Variants in WNT9A observed in about 807,000 individuals in gnomAD.
WNT9A encodes the protein protein Wnt-9a.
Under a neutral mutation model 31.4 loss-of-function variants are expected in WNT9A, and 8 were observed. The observed-to-expected ratio is 0.26, with a 90% CI of 0.15 to 0.46. The LOEUF (loss-of-function observed/expected upper bound fraction) is 0.46, where lower values mean the gene tolerates loss of function less well. Ranked by LOEUF, WNT9A falls within the 20% of genes least tolerant of loss-of-function variation. The pLI, the probability that WNT9A is intolerant of heterozygous loss-of-function variation, is 0.99. For synonymous variants in WNT9A, 236 were observed against 220.1 expected (o/e 1.07, Z -0.64); for missense variants, 457 against 522.9 (o/e 0.87, Z 1.23).
In WNT9A at chr1:227,921,332, C is replaced by T. The variant is rs1312046525; in HGVS notation, c.*186G>A. The T allele has an allele frequency of 5.8e-5, 52 of 903,740 alleles. 1 individual carries two copies. The South Asian group carries it at 7.5e-4, about 13-fold the overall frequency. The allele number at this position is 903,740 out of a possible 1,614,324, so 56.0% of individuals were successfully genotyped here. On this transcript the variant is annotated 3_prime_UTR_variant, in exon 4 of 4. Coordinates refer to ENST00000272164, the MANE Select transcript of WNT9A (RefSeq NM_003395.4). Reference sequence around the variant, plus strand: ...GGACTGAGCCCAGGGACTCACCCCACGCTGCTAGGTCTGAGCCCAGGGACT... The same window carrying T: ...GGACTGAGCCCAGGGACTCACCCCATGCTGCTAGGTCTGAGCCCAGGGACT...
At chr1:227,939,257 C>A (rs528112133) in intron 1 of WNT9A, among the ~76,000 whole-genome samples, 1 of 152,336 alleles carries the variant, frequency 6.6e-6, no homozygotes, top group East Asian at 1.9e-4. Context: ...GGAGCGGTGA[C>A]CCGGTCGCCT....
At chr1:227,938,801 CA>C (rs1666643722) in intron 1 of WNT9A, among the ~76,000 whole-genome samples, 1 of 152,218 alleles carries the variant, frequency 6.6e-6, no homozygotes, top group African/African-American at 2.4e-5. Context: ...CTCATGTCTT[CA>C]TGTCCTAAAC....
rs1445681751 is a variant in WNT9A, at chr1:227,925,328, T to C, written c.287A>G (p.Gln96Arg). 5 of 1,609,076 alleles carry C rather than the reference T, an allele frequency of 3.1e-6. No homozygotes were observed. The Admixed American group carries it at 8.4e-5, about 27-fold the overall frequency. ...VSMSALECQFQFRFERWNCTL... is the reference protein window; with the variant it reads ...VSMSALECQFRFRFERWNCTL... ...GCAGTTCCAGCGCTCAAAGCGGAAC[T>C]GGAACTGGCACTCGAGCGCACTCAT... The change falls in exon 2 of 4, where the codon CAG becomes CGG. Residue 96 changes from glutamine to arginine, a missense_variant. Gln to Arg is a conservative substitution (Grantham distance 43, BLOSUM62 1). Coordinates refer to ENST00000272164, the MANE Select transcript of WNT9A (RefSeq NM_003395.4). This position sits in a 1 kb window ranked among gnomAD's most constrained non-coding sequence, Gnocchi z 6.0.
chr1:227,942,818 C>A lies in WNT9A; in HGVS notation c.95+4975G>T, dbSNP rs1666729507. 6.6e-6 allele frequency among the ~76,000 whole-genome samples: 1 copy of A among 152,210 alleles called. No homozygotes were observed. The highest frequency in any genetic ancestry group is 1.5e-5 in the Non-Finnish European group (1 of 68,034). On this transcript the variant is annotated intron_variant, in intron 1 of 3. Coordinates refer to ENST00000272164, the MANE Select transcript of WNT9A (RefSeq NM_003395.4). This position sits in a 1 kb window ranked among gnomAD's most constrained non-coding sequence, Gnocchi z 5.7. The stretch of plus-strand genomic sequence containing the variant: ...CCTGAGCTCTCAGCTGCTCCCAAAC[C>A]CCCCGGCCCACAGTGCTCAGAGCAC...
At chr1:227,941,296 C>G (rs1012966110) in intron 1 of WNT9A, among the ~76,000 whole-genome samples, 7 of 152,162 alleles carry the variant, frequency 4.6e-5, no homozygotes. Context: ...CCACAGGGAC[C>G]CTTCTGGCCA....
intron 1 of WNT9A, among the ~76,000 whole-genome samples, chr1:227,938,640 CACAA>C (rs1395402644): frequency 1.3e-5 from 2 of 152,198 alleles, no homozygotes; most frequent in African/African-American, 4.8e-5. Flanking sequence ...TCCATCCAAA[CACAA>C]ACACACATAC....
At chr1:227,922,663 C>A (rs1273152278) in intron 3 of WNT9A, among the ~76,000 whole-genome samples, 2 of 152,100 alleles carry the variant, frequency 1.3e-5, no homozygotes, top group African/African-American at 2.4e-5. Flanking sequence ...GAGGGGGGTG[C>A]ACCCCTCACC....
chr1:227,946,075 TG>T (rs1220536287), intron 1 of WNT9A, among the ~76,000 whole-genome samples: 8 of 152,204 alleles, frequency 5.3e-5, no homozygotes, highest in African/African-American at 1.7e-4. Flanking sequence ...TCTCCCTTGA[TG>T]GGTCCTTTGG....
chr1:227,943,123 T>C lies in WNT9A; in HGVS notation c.95+4670A>G, dbSNP rs754542407. 3.0e-4 allele frequency among the ~76,000 whole-genome samples: 46 copies of C among 152,180 alleles called. 1 individual carries two copies. The highest frequency in any genetic ancestry group is 5.9e-4 in the Non-Finnish European group (40 of 68,038). On this transcript the variant is annotated intron_variant, in intron 1 of 3. Coordinates refer to ENST00000272164, the MANE Select transcript of WNT9A (RefSeq NM_003395.4). ...ACCCTGCGGGGTCTGATGTTGGCAC[T>C]AATGTGAGAAACACATCCCCTCCCC... is the stretch of plus-strand genomic sequence containing the variant.
chr1:227,937,243 G>A (rs962700126), intron 1 of WNT9A, among the ~76,000 whole-genome samples: 2 of 152,186 alleles, frequency 1.3e-5, no homozygotes, highest in Admixed American at 6.5e-5. Flanking sequence ...GAGGAGAGCC[G>A]CTGCACTCAG....
At position 227,925,858 on chromosome 1, in the gene WNT9A, C is replaced by T. The variant is rs1252693042; in HGVS notation, c.96-339G>A. On this transcript the variant is annotated intron_variant, in intron 1 of 3. Transcript: ENST00000272164. This position sits in a 1 kb window ranked among gnomAD's most constrained non-coding sequence, Gnocchi z 6.0. The stretch of plus-strand genomic sequence containing the variant: ...CACAACATACGCAAGAGGACAGCCC[C>T]GCCTAGGGCTGTGGGCAGGGAGGAG... Among the ~76,000 whole-genome samples the T allele has an allele frequency of 6.6e-6, 1 of 152,116 alleles. No homozygotes were observed. Among genetic ancestry groups the T allele is most frequent in the Admixed American group, 6.5e-5 (1 of 15,282 alleles).
chr1:227,947,874 G>T lies in WNT9A; in HGVS notation c.14C>A (p.Ser5Tyr), dbSNP rs1209458874. ...CGCGGCCAGCCAGCGCGCCAGCGGG[G>T]ACCCATCCAGCATCTTGCCGCGCCT... The part of the protein sequence containing the change: MLDG[S>Y]PLARWLAAAF... Residue 5 changes from serine to tyrosine, a missense_variant, in exon 1 of 4, where the codon TCC becomes TAC. By Grantham distance (144) the Ser-to-Tyr change is moderately radical. Transcript: ENST00000272164. The T allele has an allele frequency of 3.9e-5, 42 of 1,081,628 alleles. No individual in the cohort carries two copies. In the South Asian group the frequency reaches 1.2e-3, roughly 31 times the overall value. 67.0% of individuals were successfully genotyped at this position (1,081,628 alleles called of 1,614,324 possible).
chr1:227,919,832 C>A lies in WNT9A; in HGVS notation c.*1686G>T, dbSNP rs567533090. On this transcript the variant is annotated 3_prime_UTR_variant, in exon 4 of 4. Transcript: ENST00000272164. ...TACGCACACGTATGCACACTGACCACGCCAGCACACACACTCTCACAACAC... is the reference window on the plus strand; with the variant it reads ...TACGCACACGTATGCACACTGACCAAGCCAGCACACACACTCTCACAACAC... The A allele has an allele frequency of 6.9e-6, 1 of 145,820 alleles. No individual in the cohort carries two copies. Among genetic ancestry groups the A allele is most frequent in the Admixed American group, 7.0e-5 (1 of 14,312 alleles). 9.0% of individuals were successfully genotyped at this position (145,820 alleles called of 1,614,324 possible).
At position 227,921,391 on chromosome 1, in the gene WNT9A, G is replaced by A. The variant is rs1297200063; in HGVS notation, c.*127C>T. ...GCAGGTGTAGACCCATTCACACTGT[G>A]TGCAATGCCTGTACCCCACGCAGCT... is the stretch of plus-strand genomic sequence containing the variant. On this transcript the variant is annotated 3_prime_UTR_variant, in exon 4 of 4. Coordinates refer to ENST00000272164, the MANE Select transcript of WNT9A (RefSeq NM_003395.4). 7.0e-7 allele frequency: 1 copy of A among 1,435,660 alleles called. No individual in the cohort carries two copies. The highest frequency in any genetic ancestry group is 2.3e-5 in the East Asian group (1 of 43,460). The allele number at this position is 1,435,660 out of a possible 1,614,324, so 88.9% of individuals were successfully genotyped here. A position where few individuals can be genotyped will look rare whatever the true frequency, so the allele number is the denominator to read the frequency against.
chr1:227,919,475 AAC>A lies in WNT9A; in HGVS notation c.*2041_*2042del, dbSNP rs1380612690. The A allele has an allele frequency of 2.6e-5, 4 of 152,176 alleles. No individual in the cohort carries two copies. The highest frequency in any genetic ancestry group is 9.7e-5 in the African/African-American group (4 of 41,420). The allele number at this position is 152,176 out of a possible 1,614,324, so 9.4% of individuals were successfully genotyped here. ...CAACATAAATAGGTTTTCTTTTAAA[AAC>A]ACAGACACCCCGGCTTTCTGGAGAC... On this transcript the variant is annotated 3_prime_UTR_variant, in exon 4 of 4. Coordinates refer to ENST00000272164, the MANE Select transcript of WNT9A (RefSeq NM_003395.4).
intron 1 of WNT9A, among the ~76,000 whole-genome samples, chr1:227,947,117 G>A (rs1666807316): frequency 6.6e-6 from 1 of 152,184 alleles, no homozygotes; most frequent in African/African-American, 2.4e-5. Context: ...GAGACGCGCC[G>A]ACAGCCCGGC....
rs28665607 is a variant in WNT9A, at chr1:227,925,015, G to A, written c.352+248C>T. Among the ~76,000 whole-genome samples, 9,329 of 152,112 alleles carry A rather than the reference G, an allele frequency of 0.061. 375 individuals carry two copies. The highest frequency in any genetic ancestry group is 0.12 in the South Asian group (564 of 4,818). On this transcript the variant is annotated intron_variant, in intron 2 of 3. Transcript: ENST00000272164. This position sits in a 1 kb window ranked among gnomAD's most constrained non-coding sequence, Gnocchi z 6.0. Reference sequence around the variant, plus strand: ...GCAGCCCCGGGTAGCCTGGGGCCCCGTCAAAGGCCGAGTCAGCATGCCCTG... The same window carrying A: ...GCAGCCCCGGGTAGCCTGGGGCCCCATCAAAGGCCGAGTCAGCATGCCCTG...
chr1:227,945,896 A>G (rs561699816), intron 1 of WNT9A, among the ~76,000 whole-genome samples: 77 of 152,148 alleles, frequency 5.1e-4, no homozygotes, highest in African/African-American at 1.7e-3. Flanking sequence ...GCCCTGACCC[A>G]GGATGCCCCC....
intron 1 of WNT9A, among the ~76,000 whole-genome samples, chr1:227,941,032 G>A (rs1666696358): frequency 6.6e-6 from 1 of 152,268 alleles, no homozygotes; most frequent in Non-Finnish European, 1.5e-5. Context: ...ACTCTGCATG[G>A]CTGCTCTGGT....
Sources: allele counts gnomAD v4.1 joint callset (sites outside exome capture counted in the v4.1 genomes callset), GRCh38; gene constraint gnomAD v4.1.1; non-coding constraint Gnocchi (gnomAD v3.1); transcripts MANE v1.5; gene names NCBI Gene and HGNC (gene_info 2026-07-23, HGNC 2026-07-21).